PRKN: variants seen among roughly 807,000 people sequenced by gnomAD.
The protein encoded by PRKN is E3 ubiquitin-protein ligase parkin.
PRKN carries 56 observed loss-of-function variants against 59.5 expected under a neutral mutation model. The observed-to-expected ratio is 0.94, with a 90% CI of 0.76 to 1.18. The LOEUF is 1.18. Ranked by LOEUF, PRKN falls within the 50% of genes most tolerant of loss-of-function variation. The probability of loss-of-function intolerance (pLI) is 0.00; values close to 1 mark genes in which losing one functional copy is unlikely to be tolerated. For missense variants in PRKN, 657 were observed against 596.4 expected, an observed-to-expected ratio of 1.10 and a Z score of -1.06; for synonymous variants, 250 against 222.1, an observed-to-expected ratio of 1.13 and a Z score of -1.12.
chr6:162,078,870 ATACT>A (rs1778941588), intron 4 of PRKN, among the ~76,000 whole-genome samples: 1 of 63,506 alleles, frequency 1.6e-5, no homozygotes, highest in South Asian at 5.1e-4. Flanking sequence ...TTAATAATTA[ATACT>A]TAATAATTAA....
intron 2 of PRKN, among the ~76,000 whole-genome samples, chr6:162,414,726 A>AAAAAAAAAAAAGT (rs34838356): frequency 0.024 from 2,232 of 91,384 alleles, 378 homozygotes; most frequent in African/African-American, 0.078. Context: ...AAAAAAAAAA[A>AAAAAAAAAAAAGT]AGTGAATCTT....
Position 162,190,603 on chromosome 6 carries a change from T to C in PRKN, c.534+10528A>G, listed in dbSNP as rs143936446. On this transcript the variant is annotated intron_variant, in intron 4 of 11. Transcript: ENST00000366898. ...TGATGCATTTACGCAGGTAGCTGGA[T>C]ATTCCCAGATGGAAGAGCATGCACG... Among the ~76,000 whole-genome samples, 353 of 152,302 alleles carry C rather than the reference T, an allele frequency of 2.3e-3. 2 individuals carry two copies. The highest frequency in any genetic ancestry group is 7.9e-3 in the African/African-American group (327 of 41,576).
chr6:162,042,719 A>AT (rs1784111969), intron 5 of PRKN, among the ~76,000 whole-genome samples: 1 of 152,166 alleles, frequency 6.6e-6, no homozygotes, highest in Non-Finnish European at 1.5e-5. Flanking sequence ...ATTAGAATTG[A>AT]TTCTCTAAAG....
intron 1 of PRKN, among the ~76,000 whole-genome samples, chr6:162,465,969 T>C (rs540919997): frequency 1.6e-4 from 25 of 152,332 alleles, no homozygotes; most frequent in African/African-American, 6.0e-4. Flanking sequence ...TATTTTATCA[T>C]GTTATTTCTT....
intron 1 of PRKN, among the ~76,000 whole-genome samples, chr6:162,581,216 AGGTCAAAAGAG>A (rs1214798679): frequency 1.3e-5 from 2 of 152,258 alleles, no homozygotes; most frequent in African/African-American, 4.8e-5. Context: ...GGTTAAGTGA[AGGTCAAAAGAG>A]ACAGTTAGAT....
intron 9 of PRKN, among the ~76,000 whole-genome samples, chr6:161,489,377 T>G (rs1026794442): frequency 6.6e-6 from 1 of 151,950 alleles, no homozygotes; most frequent in African/African-American, 2.4e-5. Context: ...CTGGCCAACA[T>G]GGTGAAACCC....
intron 2 of PRKN, among the ~76,000 whole-genome samples, chr6:162,437,112 T>G (rs1562763886): frequency 7.1e-6 from 1 of 141,026 alleles, no homozygotes; most frequent in Non-Finnish European, 1.6e-5. Context: ...AATAAATAAA[T>G]AAAAAAAGGC....
At chr6:162,122,968 C>A (rs1254771774) in intron 4 of PRKN, among the ~76,000 whole-genome samples, 1 of 150,078 alleles carries the variant, frequency 6.7e-6, no homozygotes, top group Non-Finnish European at 1.5e-5. Flanking sequence ...TCTTCGTACC[C>A]AAGAGGGCAA....
At chr6:162,005,567 G>T (rs1383442255) in intron 5 of PRKN, among the ~76,000 whole-genome samples, 1 of 151,586 alleles carries the variant, frequency 6.6e-6, no homozygotes, top group Admixed American at 6.6e-5. Flanking sequence ...AAAAAGGAAT[G>T]AAACTCTTGA....
At chr6:162,424,600 G>A (rs1467706898) in intron 2 of PRKN, among the ~76,000 whole-genome samples, 1 of 151,960 alleles carries the variant, frequency 6.6e-6, no homozygotes, top group Non-Finnish European at 1.5e-5. Flanking sequence ...GCCGGGTGTG[G>A]TCATGGGGGC....
chr6:162,406,197 C>T (rs948743331), intron 2 of PRKN, among the ~76,000 whole-genome samples: 1 of 152,176 alleles, frequency 6.6e-6, no homozygotes, highest in Non-Finnish European at 1.5e-5. Context: ...CATGTAAGAT[C>T]GTTGCCATTG....
At chr6:162,235,983 AAGAAAGAAAGAAAGAAAG>A (rs1778679267) in intron 3 of PRKN, among the ~76,000 whole-genome samples, 1 of 108,060 alleles carries the variant, frequency 9.3e-6, no homozygotes, top group Non-Finnish European at 1.8e-5. Flanking sequence ...GAAAGAAAGA[AAGAAAGAAAGAAAGAAAG>A]AAAGAAAGAA....
chr6:162,046,904 TA>T (rs67078159), intron 5 of PRKN, among the ~76,000 whole-genome samples: 9 of 149,002 alleles, frequency 6.0e-5, no homozygotes, highest in African/African-American at 9.8e-5. Context: ...CCTTAACAAT[TA>T]AAAAAAAAAA....
intron 4 of PRKN, among the ~76,000 whole-genome samples, chr6:162,170,073 C>T (rs1235586630): frequency 1.3e-5 from 2 of 152,180 alleles, no homozygotes; most frequent in African/African-American, 4.8e-5. Flanking sequence ...ATCTGCTGTA[C>T]AGGAGAGTGG....
intron 2 of PRKN, among the ~76,000 whole-genome samples, chr6:162,352,294 A>C (rs774886229): frequency 9.2e-5 from 14 of 152,184 alleles, no homozygotes; most frequent in Admixed American, 3.9e-4. Flanking sequence ...ATGAAGCAGA[A>C]AAGGCAGATT....
chr6:161,970,354 A>T (rs1318532581), intron 6 of PRKN, among the ~76,000 whole-genome samples: 3 of 151,246 alleles, frequency 2.0e-5, no homozygotes, highest in Non-Finnish European at 4.4e-5. Context: ...GCACAGAGAA[A>T]ATTTATCATA....
At chr6:162,387,555 C>CAG (rs60548327) in intron 2 of PRKN, among the ~76,000 whole-genome samples, 2,101 of 95,542 alleles carry the variant, frequency 0.022, 52 homozygotes, top group South Asian at 0.043. Context: ...CACACACACA[C>CAG]AGAGAGAGAG....
intron 7 of PRKN, among the ~76,000 whole-genome samples, chr6:161,720,328 C>G (rs1439537196): frequency 2.0e-5 from 3 of 152,158 alleles, no homozygotes; most frequent in African/African-American, 7.2e-5. Context: ...ACTACTATCT[C>G]CCTACCTTAT....
At chr6:161,672,474 C>A (rs1354730266) in intron 7 of PRKN, among the ~76,000 whole-genome samples, 2 of 152,122 alleles carry the variant, frequency 1.3e-5, no homozygotes, top group African/African-American at 2.4e-5. Flanking sequence ...AGCATATTCT[C>A]AACTTAAAAT....
Sources: allele counts gnomAD v4.1 joint callset (sites outside exome capture counted in the v4.1 genomes callset), GRCh38; gene constraint gnomAD v4.1.1; transcripts MANE v1.5; gene names NCBI Gene and HGNC (gene_info 2026-07-23, HGNC 2026-07-21).